LRRC2: variants seen among roughly 807,000 people sequenced by gnomAD.
The protein encoded by LRRC2 is leucine-rich repeat-containing protein 2.
In LRRC2, 27 loss-of-function variants were observed where a neutral mutation model predicts 40.2. That is an observed-to-expected ratio of 0.67 (90% CI 0.49 to 0.93). LRRC2 has a LOEUF of 0.93. Among genes scored for constraint, LRRC2 ranks in the 40% least tolerant of loss-of-function variants. The pLI is 0.00. For synonymous variants in LRRC2, 147 were observed against 158.9 expected, an observed-to-expected ratio of 0.92 and a Z score of 0.56; for missense variants, 402 against 439.6, an observed-to-expected ratio of 0.91 and a Z score of 0.76.
intron 1 of LRRC2, among the ~76,000 whole-genome samples, chr3:46,563,613 T>G (rs1704994448): frequency 6.6e-6 from 1 of 152,242 alleles, no homozygotes; most frequent in African/African-American, 2.4e-5. Flanking sequence ...CCTGTTATTT[T>G]ATTTCTCAGT....
chr3:46,521,509 A>C lies in LRRC2; in HGVS notation c.1066+13T>G. On this transcript the variant is annotated intron_variant, in intron 8 of 8. Transcript: ENST00000395905. Reference sequence around the variant, plus strand: ...ACACTAATTTTAAATAATTTTAAATATGAGTAACCCACCTCTTTCTTTAAG... The same window carrying C: ...ACACTAATTTTAAATAATTTTAAATCTGAGTAACCCACCTCTTTCTTTAAG... The C allele has an allele frequency of 4.5e-6, 7 of 1,561,364 alleles. No individual in the cohort carries two copies. The highest frequency in any genetic ancestry group is 6.1e-6 in the Non-Finnish European group (7 of 1,150,694).
intron 2 of LRRC2, among the ~76,000 whole-genome samples, chr3:46,546,308 C>T (rs1450992137): frequency 6.6e-6 from 1 of 152,204 alleles, no homozygotes; most frequent in Non-Finnish European, 1.5e-5. Context: ...CTCAGTTAGG[C>T]TGTAGGGTGG....
chr3:46,524,528 T>A (rs563953795), intron 7 of LRRC2, among the ~76,000 whole-genome samples: 10 of 152,354 alleles, frequency 6.6e-5, no homozygotes, highest in African/African-American at 1.7e-4. Context: ...AGCGGTGCGC[T>A]CCTCGGCTTG....
chr3:46,543,423 T>C (rs1202841096), intron 3 of LRRC2, among the ~76,000 whole-genome samples: 2 of 152,168 alleles, frequency 1.3e-5, no homozygotes, highest in Middle Eastern at 3.4e-3. Flanking sequence ...GAGACCATCC[T>C]GGTTAACACG....
intron 1 of LRRC2, among the ~76,000 whole-genome samples, chr3:46,555,561 T>C (rs1704773264): frequency 1.3e-5 from 2 of 152,168 alleles, no homozygotes; most frequent in African/African-American, 4.8e-5. Context: ...AGAATTATTA[T>C]ACATACTTAC....
intron 4 of LRRC2, among the ~76,000 whole-genome samples, chr3:46,533,674 A>G (rs1463837394): frequency 1.3e-5 from 2 of 151,914 alleles, no homozygotes; most frequent in Non-Finnish European, 2.9e-5. Context: ...GAAAATGAAA[A>G]GCAGAATGTT....
intron 1 of LRRC2, among the ~76,000 whole-genome samples, chr3:46,564,186 G>T (rs1171362508): frequency 1.3e-5 from 2 of 152,118 alleles, no homozygotes; most frequent in Admixed American, 1.3e-4. Context: ...AAAGGGTGGG[G>T]GAGGGGTTGG....
intron 3 of LRRC2, among the ~76,000 whole-genome samples, chr3:46,541,837 C>T (rs1427371966): frequency 2.0e-5 from 3 of 152,102 alleles, no homozygotes; most frequent in Admixed American, 2.0e-4. Flanking sequence ...GGAGGAGGTT[C>T]AACAAAGTCC....
chr3:46,556,373 C>T (rs935748336), intron 1 of LRRC2, among the ~76,000 whole-genome samples: 3 of 151,966 alleles, frequency 2.0e-5, no homozygotes, highest in African/African-American at 7.3e-5. Flanking sequence ...GTGATTCTCC[C>T]ACCTCAACCT....
In LRRC2 at chr3:46,523,023, C is replaced by T. The variant is rs547563151; in HGVS notation, c.930-1365G>A. ...CTGTATATATGGAAGATATGAGCCA[C>T]GAGTGTTGTTTTATTATATATATAT... On this transcript the variant is annotated intron_variant, in intron 7 of 8. Transcript: ENST00000395905. Among the ~76,000 whole-genome samples, 90 of 152,174 alleles carry T rather than the reference C, an allele frequency of 5.9e-4. 1 individual carries two copies. The highest frequency in any genetic ancestry group is 1.2e-3 in the African/African-American group (50 of 41,520).
At chr3:46,521,379 A>G in intron 8 of LRRC2, 143 bp downstream of exon 8, 1 of 607,118 alleles carries the variant, frequency 1.6e-6, no homozygotes, top group Non-Finnish European at 2.8e-6. Flanking sequence ...AGTGTGTTGG[A>G]GGGTAAATGG....
At chr3:46,535,775 C>T (rs182432223) in intron 4 of LRRC2, among the ~76,000 whole-genome samples, 1 of 152,144 alleles carries the variant, frequency 6.6e-6, no homozygotes, top group African/African-American at 2.4e-5. Context: ...TGTTCTGATA[C>T]TGAAAAATAA....
At chr3:46,525,119 C>A (rs557632441) in intron 7 of LRRC2, among the ~76,000 whole-genome samples, 1 of 127,974 alleles carries the variant, frequency 7.8e-6, no homozygotes, top group East Asian at 2.3e-4. Context: ...TAGAGTCTTG[C>A]TCTATCATCC....
At position 46,521,742 on chromosome 3, in the gene LRRC2, A is replaced by T. The variant is rs998821647; in HGVS notation, c.930-84T>A. 5 of 1,385,912 alleles carry T rather than the reference A, an allele frequency of 3.6e-6. No homozygotes were observed. The African/African-American group carries it at 4.3e-5, about 12-fold the overall frequency. 85.9% of individuals were successfully genotyped at this position (1,385,912 alleles called of 1,614,324 possible). ...TTCCTCACATAAAATAACCTCTGTT[A>T]TCCCAAGTTCTGGCTTACCTTTAAA... is the stretch of plus-strand genomic sequence containing the variant. On this transcript the variant is annotated intron_variant, in intron 7 of 8. Transcript: ENST00000395905.
intron 1 of LRRC2, among the ~76,000 whole-genome samples, chr3:46,565,018 A>G (rs1448049195): frequency 6.6e-6 from 1 of 152,248 alleles, no homozygotes; most frequent in East Asian, 1.9e-4. Flanking sequence ...GAGTTTTCTG[A>G]TAGAAACGGG....
At chr3:46,521,357 T>C (rs1204443726) in intron 8 of LRRC2, among the ~76,000 whole-genome samples, 165 bp downstream of exon 8, 1 of 152,170 alleles carries the variant, frequency 6.6e-6, no homozygotes, top group Admixed American at 6.6e-5. Flanking sequence ...TTTAAGGAAA[T>C]GTATCATTTG....
chr3:46,524,462 T>C (rs1255539485), intron 7 of LRRC2, among the ~76,000 whole-genome samples: 1 of 152,202 alleles, frequency 6.6e-6, no homozygotes, highest in Non-Finnish European at 1.5e-5. Context: ...AAGCACCATA[T>C]TTCTGTCTAC....
intron 2 of LRRC2, among the ~76,000 whole-genome samples, chr3:46,549,365 A>C (rs1704593920): frequency 6.6e-6 from 1 of 152,214 alleles, no homozygotes; most frequent in African/African-American, 2.4e-5. Context: ...GAAGCTCAAA[A>C]ACACCTGTAA....
At chr3:46,536,996 C>G (rs1471587966) in intron 4 of LRRC2, among the ~76,000 whole-genome samples, 1 of 152,104 alleles carries the variant, frequency 6.6e-6, no homozygotes, top group African/African-American at 2.4e-5. Context: ...TGCTTAATAC[C>G]CCATCTATCT....
Sources: allele counts gnomAD v4.1 joint callset (sites outside exome capture counted in the v4.1 genomes callset), GRCh38; gene constraint gnomAD v4.1.1; transcripts MANE v1.5; gene names NCBI Gene and HGNC (gene_info 2026-07-23, HGNC 2026-07-21).